The following BBS4 variants were observed in gnomAD, a reference collection of about 807,000 sequenced individuals.
The protein encoded by BBS4 is Bardet-Biedl syndrome 4, also known as BBSome complex member BBS4.
In BBS4, 58 loss-of-function variants were observed where a neutral mutation model predicts 71.4. The observed-to-expected ratio is 0.81, with a 90% CI of 0.66 to 1.01. The LOEUF (loss-of-function observed/expected upper bound fraction) is 1.01, where lower values mean the gene tolerates loss of function less well. Ranked by LOEUF, BBS4 falls within the 50% of genes least tolerant of loss-of-function variation. The probability of loss-of-function intolerance (pLI) is 0.00; values close to 1 mark genes in which losing one functional copy is unlikely to be tolerated. For missense variants in BBS4, 660 were observed against 607.9 expected, an observed-to-expected ratio of 1.09 and a Z score of -0.90; for synonymous variants, 228 against 216.8, an observed-to-expected ratio of 1.05 and a Z score of -0.46.
At chr15:72,688,654 C>G (rs543388254) in intron 1 of BBS4, among the ~76,000 whole-genome samples, 3 of 152,150 alleles carry the variant, frequency 2.0e-5, no homozygotes, top group East Asian at 3.9e-4. Context: ...CTGCACGCCT[C>G]GGTCTCCCAA....
rs188650929 is a variant in BBS4, at chr15:72,725,808, C to T, written c.587+1153C>T. 3.0e-3 allele frequency among the ~76,000 whole-genome samples: 45 copies of T among 15,056 alleles called. 9 individuals carry two copies. In the East Asian group the frequency reaches 0.037, roughly 13 times the overall value. The allele number at this position is 15,056 out of a possible 152,430, so 9.9% of individuals were successfully genotyped here. On this transcript the variant is annotated intron_variant, in intron 8 of 15. Coordinates refer to ENST00000268057, the MANE Select transcript of BBS4 (RefSeq NM_033028.5). ...TCCTCCTTCCCTCTTCCCCCATCCCCCTTCCCCCATCCCCCTTTCCCCATC... is the reference window on the plus strand; with the variant it reads ...TCCTCCTTCCCTCTTCCCCCATCCCTCTTCCCCCATCCCCCTTTCCCCATC...
rs146199895 is a variant in BBS4, at chr15:72,696,499, G to T, written c.76+1271G>T. Among the ~76,000 whole-genome samples, 14 of 152,252 alleles carry T rather than the reference G, an allele frequency of 9.2e-5. No individual in the cohort carries two copies. In the East Asian group the frequency reaches 2.7e-3, roughly 29 times the overall value. On this transcript the variant is annotated intron_variant, in intron 2 of 15. Coordinates refer to ENST00000268057, the MANE Select transcript of BBS4 (RefSeq NM_033028.5). ...CTCCCCCAAAAGTCACCTTTACTTT[G>T]TAGTAAACCACTTCTTCCATTCCCA...
At chr15:72,699,732 C>G (rs900847939) in intron 2 of BBS4, among the ~76,000 whole-genome samples, 1 of 152,162 alleles carries the variant, frequency 6.6e-6, no homozygotes, top group African/African-American at 2.4e-5. Flanking sequence ...ACAAAGGGAG[C>G]CATACAGTAT....
At chr15:72,688,888 T>C (rs1365082242) in intron 1 of BBS4, among the ~76,000 whole-genome samples, 2 of 152,234 alleles carry the variant, frequency 1.3e-5, no homozygotes, top group African/African-American at 4.8e-5. Flanking sequence ...GATATTTCCA[T>C]ACTGTGGAAT....
At chr15:72,719,392 C>T (rs1350104764) in intron 6 of BBS4, among the ~76,000 whole-genome samples, 4 of 151,114 alleles carry the variant, frequency 2.6e-5, no homozygotes, top group Non-Finnish European at 5.9e-5. Context: ...GTAGCTGGGG[C>T]TACAGGTGCA....
chr15:72,731,466 C>T lies in BBS4; in HGVS notation c.864+9C>T, dbSNP rs775416661. The T allele has an allele frequency of 1.2e-5, 19 of 1,614,116 alleles. No homozygotes were observed. The highest frequency in any genetic ancestry group is 1.6e-5 in the Non-Finnish European group (19 of 1,180,020). On this transcript the variant is annotated intron_variant, in intron 11 of 15. Transcript: ENST00000268057. ...AGAAGAAATATGTGGCGGTGAGTGT[C>T]CCCTCATGTTCTTTGTTTGTATTTC...
At chr15:72,720,922 T>C (rs1455801314) in intron 6 of BBS4, among the ~76,000 whole-genome samples, 1 of 152,232 alleles carries the variant, frequency 6.6e-6, no homozygotes, top group African/African-American at 2.4e-5. Flanking sequence ...TTCTCAACTA[T>C]CTATGTCAAA....
At chr15:72,721,978 A>C (rs551888464) in intron 6 of BBS4, among the ~76,000 whole-genome samples, 1 of 152,364 alleles carries the variant, frequency 6.6e-6, no homozygotes, top group South Asian at 2.1e-4. Flanking sequence ...TTTCTGCTTC[A>C]TCTTTTCTTT....
chr15:72,704,512 T>C (rs1002811544), intron 2 of BBS4: 6 of 1,183,412 alleles, frequency 5.1e-6, no homozygotes, highest in Non-Finnish European at 6.7e-6. Context: ...TCAGGATTCA[T>C]AGATTCTAGG....
intron 1 of BBS4, among the ~76,000 whole-genome samples, chr15:72,692,996 C>T (rs755824215): frequency 5.3e-5 from 8 of 152,018 alleles, no homozygotes; most frequent in Non-Finnish European, 1.2e-4. Flanking sequence ...CCTTTCTGCT[C>T]CTCTTATTTC....
intron 1 of BBS4, 124 bp downstream of exon 1, chr15:72,686,375 C>A: frequency 6.5e-7 from 1 of 1,537,966 alleles, no homozygotes; most frequent in South Asian, 1.2e-5. Flanking sequence ...TCAGGGTGGG[C>A]GGGGCGACAC....
chr15:72,731,370 C>G lies in BBS4; in HGVS notation c.777C>G (p.Tyr259Ter). 1.9e-6 allele frequency: 3 copies of G among 1,614,158 alleles called. No homozygotes were observed. Among genetic ancestry groups the G allele is most frequent in the Non-Finnish European group, 2.5e-6 (3 of 1,180,004 alleles). Residue 259 changes from tyrosine (Y) to a stop codon, truncating the protein, a stop_gained, in exon 11 of 16, where the codon TAC becomes TAG. Coordinates refer to ENST00000268057, the MANE Select transcript of BBS4 (RefSeq NM_033028.5). LOFTEE classifies it high-confidence loss of function. Reference sequence around the variant, plus strand: ...ACTTTGATGTTGCCCTCACCAAATACAGAGTTGTGGCTTGTGCTGTTCCAG... The same window carrying G: ...ACTTTGATGTTGCCCTCACCAAATAGAGAGTTGTGGCTTGTGCTGTTCCAG... ...HGDFDVALTK[Y>*]RVVACAVPES...
chr15:72,701,891 G>A (rs1462489801), intron 2 of BBS4, among the ~76,000 whole-genome samples: 4 of 152,130 alleles, frequency 2.6e-5, no homozygotes, highest in African/African-American at 9.7e-5. Flanking sequence ...AGGCTGGAGT[G>A]CAGTGGTGCG....
intron 2 of BBS4, among the ~76,000 whole-genome samples, chr15:72,700,619 A>G (rs991457171): frequency 6.6e-6 from 1 of 151,986 alleles, no homozygotes; most frequent in African/African-American, 2.4e-5. Flanking sequence ...CTATTTTTAA[A>G]TTTCTTTTTT....
Position 72,731,732 on chromosome 15 carries a change from A to G in BBS4, c.1036+6A>G, listed in dbSNP as rs374383864. ...GCTCTACATGCTCTTGGCAGGTAAG[A>G]AACATTTATGTGGAAAACTCTCTCT... On this transcript the variant is annotated splice_donor_region_variant and intron_variant, in intron 12 of 15. Transcript: ENST00000268057. 36 of 1,614,030 alleles carry G rather than the reference A, an allele frequency of 2.2e-5. No homozygotes were observed. In the African/African-American group the frequency reaches 4.1e-4, roughly 19 times the overall value.
rs1595958142 is a variant in BBS4, at chr15:72,738,462, T to G, written c.*875T>G. On this transcript the variant is annotated 3_prime_UTR_variant, in exon 16 of 16. Transcript: ENST00000268057. ...AAAACAAGAGATCATAATAAAAACC[T>G]AAAAGAACCTATGATCACGGTCTTC... 2.8e-6 allele frequency: 1 copy of G among 362,932 alleles called. No individual in the cohort carries two copies. Among genetic ancestry groups the G allele is most frequent in the Non-Finnish European group, 5.3e-6 (1 of 188,344 alleles). The allele number at this position is 362,932 out of a possible 1,614,324, so 22.5% of individuals were successfully genotyped here. A position where few individuals can be genotyped will look rare whatever the true frequency, so the allele number is the denominator to read the frequency against.
Position 72,709,776 on chromosome 15 carries a change from C to T in BBS4, c.153C>T (p.Cys51=), listed in dbSNP as rs754709708. The stretch of plus-strand genomic sequence containing the variant: ...ATATCCGGAAAGATTATGAAGCCTG[C>T]AAGGTAAGAGATTGCCATAATAATA... ...LHYIRKDYEA[C]KAVIKEQLQE... Residue 51 remains cysteine (C), a synonymous_variant, in exon 3 of 16, where the codon TGC becomes TGT. Transcript: ENST00000268057. 1.1e-5 allele frequency: 18 copies of T among 1,612,124 alleles called. No homozygotes were observed. The South Asian group carries it at 1.9e-4, about 17-fold the overall frequency.
rs113994181 is a variant in BBS4, at chr15:72,695,194, A to G, written c.42A>G (p.Val14=). The G allele has an allele frequency of 3.1e-6, 5 of 1,606,946 alleles. No homozygotes were observed. Among genetic ancestry groups the G allele is most frequent in the Middle Eastern group, 1.7e-4 (1 of 5,988 alleles). Residue 14 remains valine (V), a synonymous_variant, in exon 2 of 16, where the codon GTA becomes GTG. Transcript: ENST00000268057. ...CATTTCAGAGAACTCAATTTCCTGT[A>G]TCTACTGAGTCTCAAAAACCCCGGC... The part of the protein sequence containing the change: ...ERVATRTQFP[V]STESQKPRQK...
Position 72,707,336 on chromosome 15 carries a change from C to T in BBS4, c.77-2364C>T, listed in dbSNP as rs2065283404. On this transcript the variant is annotated intron_variant, in intron 2 of 15. Transcript: ENST00000268057. ...TGGGATGTCAGGATGCGCCACCACACCCTGCTAATTTTTGTATTTTTTTGT... is the reference window on the plus strand; with the variant it reads ...TGGGATGTCAGGATGCGCCACCACATCCTGCTAATTTTTGTATTTTTTTGT... Among the ~76,000 whole-genome samples the T allele has an allele frequency of 4.0e-5, 6 of 151,844 alleles. No individual in the cohort carries two copies. In the South Asian group the frequency reaches 1.2e-3, roughly 32 times the overall value.
Sources: gnomAD v4.1 joint callset for allele counts (sites outside exome capture counted in the v4.1 genomes callset) on GRCh38, gnomAD v4.1.1 for gene constraint, MANE v1.5 for transcripts, NCBI Gene and HGNC (gene_info 2026-07-23, HGNC 2026-07-21) for gene names.